Variants in PLSCR2 observed in about 807,000 individuals in gnomAD.
The protein encoded by PLSCR2 is PL scramblase 2.
PLSCR2 carries 18 observed loss-of-function variants against 25.3 expected under a neutral mutation model. The observed-to-expected ratio is 0.71, with a 90% confidence interval of 0.49 to 1.06. The LOEUF (loss-of-function observed/expected upper bound fraction) is 1.06, where lower values mean the gene tolerates loss of function less well. Ranked by LOEUF, PLSCR2 falls within the 50% of genes least tolerant of loss-of-function variation. PLSCR2 has a pLI of 0.00. For missense variants in PLSCR2, 243 were observed against 269.5 expected (o/e 0.90, Z 0.69); for synonymous variants, 88 against 87.3 (o/e 1.01, Z -0.04).
intron 5 of PLSCR2, among the ~76,000 whole-genome samples, chr3:146,451,553 G>C (rs2040897199): frequency 6.6e-6 from 1 of 152,128 alleles, no homozygotes; most frequent in African/African-American, 2.4e-5. Context: ...AAAATCCTTA[G>C]ACTCTTCTAA....
At chr3:146,441,678 A>G (rs114619589), downstream of PLSCR2, 3,988 of 698,168 alleles carry the variant, frequency 5.7e-3, 48 homozygotes, top group South Asian at 0.019. Flanking sequence ...TAATTTAAAT[A>G]AAGAAAAGAA....
At chr3:146,469,386 C>G (rs2042014265) in intron 1 of PLSCR2, 109 bp downstream of exon 1, 1 of 932,514 alleles carries the variant, frequency 1.1e-6, no homozygotes, top group Non-Finnish European at 1.3e-6. Flanking sequence ...CCCATTGGGC[C>G]CTTGCCCCGC....
upstream of PLSCR2, chr3:146,462,001 A>G (rs767887951): frequency 3.7e-4 from 325 of 882,250 alleles, 1 homozygote; most frequent in Admixed American, 9.2e-4. Flanking sequence ...CACATTTAGT[A>G]TTATAGGGAG....
intron 1 of PLSCR2, among the ~76,000 whole-genome samples, chr3:146,473,384 A>G (rs753868410): frequency 3.9e-4 from 58 of 147,560 alleles, no homozygotes; most frequent in Non-Finnish European, 7.3e-4. Flanking sequence ...AGCTCACTGC[A>G]GCAACCTCCA....
rs61743814 is a variant in PLSCR2 at position 146,459,872 on chromosome 3, C to G, written c.33G>C (p.Pro11=). ...CCTGACTTAAGTATTCCAATCCTGG[C>G]GGACAGTTTAATGGTGGTGGTGGTG... is the stretch of plus-strand genomic sequence containing the variant. The change falls in exon 2 of 7, where the codon CCG becomes CCC. Residue 11 remains proline, a synonymous_variant. Transcript: ENST00000610787. The G allele has an allele frequency of 1.3e-3, 2,120 of 1,612,188 alleles. 25 individuals carry two copies. In the African/African-American group the frequency reaches 0.025, roughly 19 times the overall value.
chr3:146,469,940 G>T (rs556359032), intron 1 of PLSCR2, among the ~76,000 whole-genome samples: 5 of 152,118 alleles, frequency 3.3e-5, no homozygotes, highest in Non-Finnish European at 5.9e-5. Context: ...GCTGGAACTG[G>T]AAAATCATCA....
At chr3:146,435,390 A>G (rs933713468) in intron 8 of PLSCR2, among the ~76,000 whole-genome samples, 4 of 152,244 alleles carry the variant, frequency 2.6e-5, no homozygotes, top group Non-Finnish European at 4.4e-5. Context: ...TCCCACCAAC[A>G]GTGTAAAACT....
rs114876914 is a variant in PLSCR2, at chr3:146,434,379, T to C, written c.*35-862A>G. ...CACTAGGAAAAATATAAAATATGTATGCCTATTTATTCATGAAAGCTTACT... is the reference window on the plus strand; with the variant it reads ...CACTAGGAAAAATATAAAATATGTACGCCTATTTATTCATGAAAGCTTACT... On this transcript the variant is annotated intron_variant, in intron 8 of 8. Coordinates refer to the PLSCR2 transcript ENST00000336685. Among the ~76,000 whole-genome samples, 715 of 152,246 alleles carry C rather than the reference T, an allele frequency of 4.7e-3. 5 individuals are homozygous for C. Among genetic ancestry groups the C allele is most frequent in the African/African-American group, 0.016 (674 of 41,538 alleles).
downstream of PLSCR2, among the ~76,000 whole-genome samples, chr3:146,440,148 A>AG (rs1166193077): frequency 2.0e-5 from 3 of 152,112 alleles, no homozygotes; most frequent in Admixed American, 6.5e-5. Context: ...TTCTTCTCAG[A>AG]GGGGTCCCTG....
At chr3:146,440,974 A>G (rs1279482209), downstream of PLSCR2, among the ~76,000 whole-genome samples, 1 of 152,206 alleles carries the variant, frequency 6.6e-6, no homozygotes, top group African/African-American at 2.4e-5. Context: ...TAACCATTCC[A>G]TGTGGTAATA....
chr3:146,469,371 C>A (rs963681409), intron 1 of PLSCR2, 124 bp downstream of exon 1: 151 of 959,498 alleles, frequency 1.6e-4, no homozygotes, highest in Non-Finnish European at 1.8e-4. Flanking sequence ...TGTCGCTTCC[C>A]GCGGCCCATT....
intron 2 of PLSCR2, among the ~76,000 whole-genome samples, chr3:146,403,292 A>C (rs1159436221): frequency 6.6e-6 from 1 of 152,198 alleles, no homozygotes; most frequent in Non-Finnish European, 1.5e-5. Context: ...GTTAAATTAC[A>C]TGGAAGTGTC....
At chr3:146,404,428 G>T (rs1483087760) in intron 2 of PLSCR2, among the ~76,000 whole-genome samples, 1 of 152,146 alleles carries the variant, frequency 6.6e-6, no homozygotes, top group African/African-American at 2.4e-5. Context: ...AACAATCTAT[G>T]CATGTAGGAA....
At chr3:146,455,521 T>C in intron 3 of PLSCR2, 62 bp from the exon 4 acceptor site, 1 of 972,016 alleles carries the variant, frequency 1.0e-6, no homozygotes, top group Non-Finnish European at 1.6e-6. Context: ...TCTTAAGATA[T>C]TATATCTAGC....
At chr3:146,477,690 C>G (rs2042968565) in intron 1 of PLSCR2, among the ~76,000 whole-genome samples, 1 of 152,244 alleles carries the variant, frequency 6.6e-6, no homozygotes, top group Admixed American at 6.5e-5. Flanking sequence ...GAAACTTCTG[C>G]AGACTTAAAC....
intron 1 of PLSCR2, among the ~76,000 whole-genome samples, chr3:146,466,487 A>G (rs1184639082): frequency 1.3e-5 from 2 of 152,162 alleles, no homozygotes; most frequent in African/African-American, 2.4e-5. Context: ...TGTATATTAA[A>G]CCTTGAATTA....
chr3:146,480,493 A>C (rs1337686549), intron 1 of PLSCR2, among the ~76,000 whole-genome samples: 1 of 152,228 alleles, frequency 6.6e-6, no homozygotes, highest in South Asian at 2.1e-4. Flanking sequence ...TCTAGAAGAA[A>C]TGGATAAATT....
exon 1 of PLSCR2, chr3:146,460,252 T>A: frequency 7.3e-7 from 1 of 1,364,442 alleles, no homozygotes; most frequent in South Asian, 1.8e-5. Flanking sequence ...ATATCTGTGG[T>A]TTCACATTCA....
chr3:146,486,156 A>G lies in PLSCR2; in HGVS notation c.-293+9739T>C, dbSNP rs554518206. 3.0e-4 allele frequency among the ~76,000 whole-genome samples: 46 copies of G among 152,324 alleles called. 1 individual carries two copies. In the South Asian group the frequency reaches 9.3e-3, roughly 31 times the overall value. ...GACAATGTACCCAAATCTCTGGGAC[A>G]CAGCTAAAGCCGTGTTAAGAGGGAA... is the stretch of plus-strand genomic sequence containing the variant. On this transcript the variant is annotated intron_variant, in intron 1 of 8. Coordinates refer to the PLSCR2 transcript ENST00000336685.
Sources: gnomAD v4.1 joint callset for allele counts (sites outside exome capture counted in the v4.1 genomes callset) on GRCh38, gnomAD v4.1.1 for gene constraint, MANE v1.5 for transcripts, NCBI Gene and HGNC (gene_info 2026-07-23, HGNC 2026-07-21) for gene names.